Variants in OLFM1 observed in about 807,000 individuals in gnomAD.
OLFM1 encodes the protein olfactomedin 1.
In OLFM1, 9 loss-of-function variants were observed where a neutral mutation model predicts 49.7. The ratio of observed to expected loss-of-function variants is 0.18; its 90% CI spans 0.11 to 0.32. The LOEUF (loss-of-function observed/expected upper bound fraction) is 0.32. Ranked by LOEUF, OLFM1 falls within the 10% of genes least tolerant of loss-of-function variation. OLFM1 has a pLI of 1.00. For synonymous variants in OLFM1, 240 were observed against 271.8 expected (o/e 0.88, Z 1.15); for missense variants, 369 against 661.8 (o/e 0.56, Z 4.85).
At chr9:135,097,130 G>A (rs1052306089) in intron 3 of OLFM1, among the ~76,000 whole-genome samples, 2 of 152,128 alleles carry the variant, frequency 1.3e-5, no homozygotes, top group African/African-American at 4.8e-5. Flanking sequence ...TCCTTTTTAT[G>A]CTAATGTTTT....
At chr9:135,099,751 T>A (rs1368911376) in intron 4 of OLFM1, among the ~76,000 whole-genome samples, 1 of 152,228 alleles carries the variant, frequency 6.6e-6, no homozygotes, top group Non-Finnish European at 1.5e-5. Flanking sequence ...CTTTCAGCTC[T>A]GTGCTCCATG....
At chr9:135,090,628 T>G (rs1030799978) in intron 2 of OLFM1, among the ~76,000 whole-genome samples, 2 of 152,068 alleles carry the variant, frequency 1.3e-5, no homozygotes, top group Non-Finnish European at 2.9e-5. Flanking sequence ...AAGAGAGGAC[T>G]AGACCTGCCC....
rs561487803 is a variant in OLFM1 at position 135,120,923 on chromosome 9, A to C, written c.*745A>C. ...TGGTTTTTGTTTCTAAAAAGAAAAA[A>C]AAAATCAGTGTTCACCCTTATAGAG... On this transcript the variant is annotated 3_prime_UTR_variant, in exon 6 of 6. Coordinates refer to ENST00000371793, the MANE Select transcript of OLFM1 (RefSeq NM_001282611.2). 2.0e-5 allele frequency: 3 copies of C among 152,770 alleles called. No individual in the cohort carries two copies. Among genetic ancestry groups the C allele is most frequent in the Non-Finnish European group, 4.4e-5 (3 of 68,052 alleles). 9.5% of individuals were successfully genotyped at this position (152,770 alleles called of 1,614,324 possible). A position where few individuals can be genotyped will look rare whatever the true frequency, so the allele number is the denominator to read the frequency against.
At chr9:135,083,660 C>G (rs1033387530), upstream of OLFM1, among the ~76,000 whole-genome samples, 4 of 152,232 alleles carry the variant, frequency 2.6e-5, no homozygotes, top group African/African-American at 9.6e-5. Flanking sequence ...GCCGTGCTCA[C>G]AAACCCCAAG....
At position 135,113,967 on chromosome 9, in the gene OLFM1, C is replaced by T. The variant is rs1831059224; in HGVS notation, c.784-5537C>T. Among the ~76,000 whole-genome samples the T allele has an allele frequency of 6.6e-6, 1 of 152,126 alleles. No individual in the cohort carries two copies. The highest frequency in any genetic ancestry group is 6.5e-5 in the Admixed American group (1 of 15,288). ...GACCCTCCTGCCTCGTCTCGTGGCT[C>T]CATGTGTTCCTGGCTGTGGCTGCAT... On this transcript the variant is annotated intron_variant, in intron 5 of 5. Coordinates refer to ENST00000371793, the MANE Select transcript of OLFM1 (RefSeq NM_001282611.2). This position sits in a 1 kb window ranked among gnomAD's most constrained non-coding sequence, Gnocchi z 4.0.
At chr9:135,083,427 T>C (rs765968580), upstream of OLFM1, among the ~76,000 whole-genome samples, 10 of 152,072 alleles carry the variant, frequency 6.6e-5, no homozygotes, top group African/African-American at 9.7e-5. Flanking sequence ...AAGTCAGCTC[T>C]CTGGATGGAC....
intron 1 of OLFM1, chr9:135,077,201 A>T: frequency 1.3e-6 from 2 of 1,528,474 alleles, no homozygotes; most frequent in Non-Finnish European, 1.8e-6. Context: ...CCTGCAGAGA[A>T]GAGCCAACCA....
In OLFM1 at chr9:135,120,834, C is replaced by T. The variant is rs1034045326; in HGVS notation, c.*656C>T. 3.3e-5 allele frequency: 5 copies of T among 152,396 alleles called. No individual in the cohort carries two copies. The highest frequency in any genetic ancestry group is 5.9e-5 in the Non-Finnish European group (4 of 68,122). The allele number at this position is 152,396 out of a possible 1,614,324, so 9.4% of individuals were successfully genotyped here. ...TGTTATTCCCTTGAGGTGGTAACTTCGTATGTTCAGTTTATGCGATGATTG... is the reference window on the plus strand; with the variant it reads ...TGTTATTCCCTTGAGGTGGTAACTTTGTATGTTCAGTTTATGCGATGATTG... On this transcript the variant is annotated 3_prime_UTR_variant, in exon 6 of 6. Transcript: ENST00000371793.
At chr9:135,091,691 A>ACACACACAGTCTCACACATAGT (rs1830704441) in intron 2 of OLFM1, among the ~76,000 whole-genome samples, 2 of 87,342 alleles carry the variant, frequency 2.3e-5, no homozygotes, top group African/African-American at 6.1e-5. Context: ...ATAGTCTCAC[A>ACACACACAGTCTCACACATAGT]CACACACAGT....
rs571144013 is a variant in OLFM1, at chr9:135,108,736, G to A, written c.783+1881G>A. Among the ~76,000 whole-genome samples the A allele has an allele frequency of 1.7e-3, 254 of 152,274 alleles. 1 individual carries two copies. Among genetic ancestry groups the A allele is most frequent in the Non-Finnish European group, 1.3e-3 (88 of 68,024 alleles). On this transcript the variant is annotated intron_variant, in intron 5 of 5. Transcript: ENST00000371793. ...ACTCCCTTAATAGCGGGGGAAGGAC[G>A]GGGCCTTCATGCAGCCATCTGCGTG...
upstream of OLFM1, among the ~76,000 whole-genome samples, chr9:135,083,183 C>T (rs375078152): frequency 9.2e-4 from 140 of 152,304 alleles, 5 homozygotes; most frequent in South Asian, 0.027. Flanking sequence ...CCCTGAAAAA[C>T]GTGCATTCAG....
intron 2 of OLFM1, among the ~76,000 whole-genome samples, chr9:135,093,781 C>G (rs993807075): frequency 6.6e-6 from 1 of 152,112 alleles, no homozygotes; most frequent in Non-Finnish European, 1.5e-5. Flanking sequence ...GAGATGGGTG[C>G]GTGATTGCAG....
intron 2 of OLFM1, among the ~76,000 whole-genome samples, chr9:135,093,421 G>A (rs1830742493): frequency 6.6e-6 from 1 of 152,236 alleles, no homozygotes. Context: ...GTCTCCCTAT[G>A]TGTAAAATGG....
At chr9:135,097,824 A>G in intron 3 of OLFM1, 1 of 1,613,488 alleles carries the variant, frequency 6.2e-7, no homozygotes, top group Non-Finnish European at 8.5e-7. Flanking sequence ...TGACTGAAGA[A>G]GCAGTCCACT....
intron 1 of OLFM1, among the ~76,000 whole-genome samples, chr9:135,079,934 G>A (rs1830512284): frequency 6.6e-6 from 1 of 152,046 alleles, no homozygotes; most frequent in South Asian, 2.1e-4. Context: ...TCGGAGTTGG[G>A]CCAGCTGTTT....
chr9:135,120,204 C>G lies in OLFM1; in HGVS notation c.*26C>G. On this transcript the variant is annotated 3_prime_UTR_variant, in exon 6 of 6. Coordinates refer to ENST00000371793, the MANE Select transcript of OLFM1 (RefSeq NM_001282611.2). ...CTCCCTCCTCCTGGAAGCCAAGGGC[C>G]CACGTCCTCACCACAAAGGGACTCC... 6.3e-7 allele frequency: 1 copy of G among 1,578,094 alleles called. No homozygotes were observed. Among genetic ancestry groups the G allele is most frequent in the Non-Finnish European group, 8.6e-7 (1 of 1,161,620 alleles).
chr9:135,115,574 T>C (rs1256427955), intron 5 of OLFM1, among the ~76,000 whole-genome samples: 1 of 152,248 alleles, frequency 6.6e-6, no homozygotes, highest in Non-Finnish European at 1.5e-5. Context: ...TGCAGGGGGC[T>C]GTTGGTGTGT....
chr9:135,112,075 G>A (rs1434862935), intron 5 of OLFM1, among the ~76,000 whole-genome samples: 1 of 152,178 alleles, frequency 6.6e-6, no homozygotes, highest in African/African-American at 2.4e-5. Flanking sequence ...CCTGCACAGG[G>A]GGCTCTCAGC....
chr9:135,116,924 TA>T (rs1467698174), intron 5 of OLFM1, among the ~76,000 whole-genome samples: 1 of 152,036 alleles, frequency 6.6e-6, no homozygotes, highest in Non-Finnish European at 1.5e-5. Context: ...CATCTGCTTG[TA>T]AGTATCGAAT....
Sources: allele counts gnomAD v4.1 joint callset (sites outside exome capture counted in the v4.1 genomes callset), GRCh38; gene constraint gnomAD v4.1.1; non-coding constraint Gnocchi (gnomAD v3.1); transcripts MANE v1.5; gene names NCBI Gene and HGNC (gene_info 2026-07-23, HGNC 2026-07-21).